ZBTB20: variants seen among roughly 807,000 people sequenced by gnomAD.
ZBTB20 encodes the protein zinc finger and BTB domain-containing protein 20.
In ZBTB20, 9 loss-of-function variants were observed where a neutral mutation model predicts 56.9. The ratio of observed to expected loss-of-function variants is 0.16; its 90% CI spans 0.10 to 0.28. The LOEUF is 0.28. ZBTB20 is among the 10% of genes least tolerant of loss of function. The probability of loss-of-function intolerance (pLI) is 1.00; values close to 1 mark genes in which losing one functional copy is unlikely to be tolerated. For missense variants in ZBTB20, 655 were observed against 1,003.0 expected (o/e 0.65, Z 4.69); for synonymous variants, 417 against 420.7 (o/e 0.99, Z 0.11).
intron 10 of ZBTB20, among the ~76,000 whole-genome samples, chr3:114,361,323 TCC>T (rs986969903): frequency 1.3e-5 from 2 of 152,232 alleles, no homozygotes; most frequent in Non-Finnish European, 2.9e-5. Context: ...ATTCTTATCA[TCC>T]CCATGAACCT....
At chr3:115,082,821 T>C (rs2082845281) in intron 1 of ZBTB20, among the ~76,000 whole-genome samples, 1 of 152,080 alleles carries the variant, frequency 6.6e-6, no homozygotes, top group African/African-American at 2.4e-5. Flanking sequence ...TCCTTACATG[T>C]GTGTACATGC....
At chr3:114,677,934 G>C (rs944777997) in intron 6 of ZBTB20, among the ~76,000 whole-genome samples, 1 of 151,970 alleles carries the variant, frequency 6.6e-6, no homozygotes, top group African/African-American at 2.4e-5. Context: ...CCATAAGAAG[G>C]TTATATGTTA....
chr3:115,138,328 T>C (rs180738543), intron 1 of ZBTB20, among the ~76,000 whole-genome samples: 1 of 152,196 alleles, frequency 6.6e-6, no homozygotes, highest in East Asian at 1.9e-4. Flanking sequence ...AGTCTATTCA[T>C]TGTACAACCT....
At chr3:114,775,494 A>C (rs2069527213) in intron 5 of ZBTB20, among the ~76,000 whole-genome samples, 1 of 144,712 alleles carries the variant, frequency 6.9e-6, no homozygotes. Context: ...CTTTCTCCTT[A>C]CTCCACCTCT....
At chr3:115,109,965 T>A (rs1274742511) in intron 1 of ZBTB20, among the ~76,000 whole-genome samples, 1 of 152,114 alleles carries the variant, frequency 6.6e-6, no homozygotes, top group African/African-American at 2.4e-5. Flanking sequence ...ATCCCAGCAC[T>A]TTGGGAGGCC....
chr3:114,753,273 G>A, intron 5 of ZBTB20, among the ~76,000 whole-genome samples: 1 of 20,596 alleles, frequency 4.9e-5, no homozygotes, highest in East Asian at 7.9e-3. Context: ...ATGTATACCT[G>A]TATATATAAT....
At chr3:114,978,104 T>C (rs1407958442) in intron 2 of ZBTB20, among the ~76,000 whole-genome samples, 3 of 151,194 alleles carry the variant, frequency 2.0e-5, no homozygotes, top group Non-Finnish European at 4.4e-5. Context: ...TTAAAGTGTA[T>C]AATGTTCATT....
intron 5 of ZBTB20, among the ~76,000 whole-genome samples, chr3:114,748,287 T>TTTCTTTCTTTC (rs2067222993): frequency 1.0e-5 from 1 of 99,628 alleles, no homozygotes; most frequent in Non-Finnish European, 2.1e-5. Context: ...AGCTTCTTTC[T>TTTCTTTCTTTC]TTCTTTCTTT....
intron 5 of ZBTB20, chr3:114,791,744 C>T (rs940791099): frequency 2.0e-5 from 3 of 152,140 alleles, no homozygotes; most frequent in African/African-American, 7.2e-5. Context: ...AAGTAGAAGA[C>T]CTTGTCAAAA....
chr3:114,838,307 A>C (rs745594360), intron 4 of ZBTB20, among the ~76,000 whole-genome samples: 1 of 152,324 alleles, frequency 6.6e-6, no homozygotes, highest in South Asian at 2.1e-4. Flanking sequence ...GAATTTAAGA[A>C]CCACTTTCAA....
At chr3:115,060,677 C>T (rs1410061092) in intron 2 of ZBTB20, among the ~76,000 whole-genome samples, 3 of 152,050 alleles carry the variant, frequency 2.0e-5, no homozygotes, top group South Asian at 2.1e-4. Context: ...TTAAACATGA[C>T]TATATGGGGG....
chr3:114,325,875 T>TA lies in ZBTB20; in HGVS notation c.*13129dup, dbSNP rs1394612414. The TA allele has an allele frequency of 2.0e-5, 3 of 152,138 alleles. No homozygotes were observed. Among genetic ancestry groups the TA allele is most frequent in the Admixed American group, 6.5e-5 (1 of 15,270 alleles). 9.4% of individuals were successfully genotyped at this position (152,138 alleles called of 1,614,324 possible). A position where few individuals can be genotyped will look rare whatever the true frequency, so the allele number is the denominator to read the frequency against. On this transcript the variant is annotated 3_prime_UTR_variant, in exon 12 of 12. Transcript: ENST00000675478. ...AATGAAGTACTACAATTTCCTTTTT[T>TA]AAAAAAATAGTTTCTAATTTGTTTT...
At chr3:115,092,106 G>A (rs768715835) in intron 1 of ZBTB20, among the ~76,000 whole-genome samples, 1 of 152,012 alleles carries the variant, frequency 6.6e-6, no homozygotes, top group Non-Finnish European at 1.5e-5. Context: ...ACCCTGATAG[G>A]AGAAAAGTAG....
intron 2 of ZBTB20, among the ~76,000 whole-genome samples, chr3:114,997,703 C>A (rs2079083476): frequency 6.6e-6 from 1 of 151,572 alleles, no homozygotes; most frequent in Non-Finnish European, 1.5e-5. Flanking sequence ...AATTAGTGTT[C>A]AAAACATAGG....
At chr3:114,844,545 A>AAAAAAAAAAAAAAAC (rs1437301904) in intron 4 of ZBTB20, among the ~76,000 whole-genome samples, 1 of 140,628 alleles carries the variant, frequency 7.1e-6, no homozygotes, top group Non-Finnish European at 1.5e-5. Context: ...AAAAAAAAAA[A>AAAAAAAAAAAAAAAC]AAAAAAACTT....
intron 5 of ZBTB20, among the ~76,000 whole-genome samples, chr3:114,728,833 T>A (rs764728109): frequency 1.3e-5 from 2 of 152,206 alleles, no homozygotes; most frequent in Non-Finnish European, 2.9e-5. Context: ...TCTCTAATGA[T>A]CAGTGATGTT....
intron 6 of ZBTB20, among the ~76,000 whole-genome samples, chr3:114,534,063 T>C (rs1440290416): frequency 6.6e-6 from 1 of 152,088 alleles, no homozygotes; most frequent in Non-Finnish European, 1.5e-5. Flanking sequence ...ATCGACACTA[T>C]GAAGAAACTG....
At chr3:114,544,462 TTTCTTTCTTTC>T (rs2049574046) in intron 6 of ZBTB20, among the ~76,000 whole-genome samples, 1 of 105,232 alleles carries the variant, frequency 9.5e-6, no homozygotes, top group African/African-American at 3.9e-5. Flanking sequence ...TCTTTCTTTC[TTTCTTTCTTTC>T]TTTCTTTTTC....
rs994531239 is a variant in ZBTB20, at chr3:114,333,453, A to G, written c.*5552T>C. 6.6e-6 allele frequency: 1 copy of G among 152,242 alleles called. No individual in the cohort carries two copies. The highest frequency in any genetic ancestry group is 6.5e-5 in the Admixed American group (1 of 15,288). The allele number at this position is 152,242 out of a possible 1,614,324, so 9.4% of individuals were successfully genotyped here. Reference sequence around the variant, plus strand: ...CTTCATGAAAACACAAAGAGGGGAAAGAGGCTGCTGCTGTTCCAGTGGGAA... The same window carrying G: ...CTTCATGAAAACACAAAGAGGGGAAGGAGGCTGCTGCTGTTCCAGTGGGAA... On this transcript the variant is annotated 3_prime_UTR_variant, in exon 12 of 12. Transcript: ENST00000675478.
Sources: gnomAD v4.1 joint callset for allele counts (sites outside exome capture counted in the v4.1 genomes callset) on GRCh38, gnomAD v4.1.1 for gene constraint, MANE v1.5 for transcripts, NCBI Gene and HGNC (gene_info 2026-07-23, HGNC 2026-07-21) for gene names.